The following RARB variants were observed in gnomAD, a reference collection of about 807,000 sequenced individuals.
RARB encodes the protein HBV-activated protein.
Under a neutral mutation model 51.9 loss-of-function variants are expected in RARB, and 17 were observed. The ratio of observed to expected loss-of-function variants is 0.33; its 90% CI spans 0.22 to 0.49. The LOEUF (loss-of-function observed/expected upper bound fraction) is 0.49, where lower values mean the gene tolerates loss of function less well. Among genes scored for constraint, RARB ranks in the 20% least tolerant of loss-of-function variants. The pLI is 0.99. For missense variants in RARB, 369 were observed against 550.8 expected, an observed-to-expected ratio of 0.67 and a Z score of 3.30; for synonymous variants, 215 against 195.4, an observed-to-expected ratio of 1.10 and a Z score of -0.84.
At chr3:25,264,134 G>C (rs1468783888) in intron 5 of RARB, among the ~76,000 whole-genome samples, 1 of 151,156 alleles carries the variant, frequency 6.6e-6, no homozygotes, top group Non-Finnish European at 1.5e-5. Flanking sequence ...AAAAAAGGTT[G>C]ATTCTGTTTT....
intron 5 of RARB, among the ~76,000 whole-genome samples, chr3:25,264,109 T>A (rs1450627407): frequency 1.8e-5 from 1 of 55,442 alleles, no homozygotes; most frequent in Admixed American, 2.2e-4. Context: ...GGGGCATTGT[T>A]GATTTTTTTT....
At chr3:25,490,939 GT>G (rs1696703874) in intron 2 of RARB, among the ~76,000 whole-genome samples, 1 of 152,050 alleles carries the variant, frequency 6.6e-6, no homozygotes, top group African/African-American at 2.4e-5. Flanking sequence ...TAGAGGCTTC[GT>G]TTCCCCTTGT....
chr3:25,365,916 C>A (rs911593935), intron 5 of RARB, among the ~76,000 whole-genome samples: 1 of 152,218 alleles, frequency 6.6e-6, no homozygotes, highest in Non-Finnish European at 1.5e-5. Flanking sequence ...GTAGTCACAA[C>A]TGTGCCTCCA....
chr3:25,024,490 ATG>A (rs1287897083), intron 2 of RARB, among the ~76,000 whole-genome samples: 2 of 152,198 alleles, frequency 1.3e-5, no homozygotes, highest in African/African-American at 4.8e-5. Context: ...AAGCAACAAA[ATG>A]TGCCTTTGAG....
chr3:24,897,433 C>A (rs1292412271), intron 2 of RARB, among the ~76,000 whole-genome samples: 3 of 152,090 alleles, frequency 2.0e-5, no homozygotes, highest in Non-Finnish European at 2.9e-5. Context: ...GGAGATGGCT[C>A]CCGGACTGAA....
chr3:24,862,830 C>A (rs1455908948), intron 2 of RARB, among the ~76,000 whole-genome samples: 3 of 152,140 alleles, frequency 2.0e-5, no homozygotes, highest in East Asian at 1.9e-4. Flanking sequence ...CCTAGAGTTA[C>A]AAACTAAATG....
chr3:25,518,437 C>T (rs1153594), intron 3 of RARB, among the ~76,000 whole-genome samples: 29,393 of 151,884 alleles, frequency 0.19, 3,477 homozygotes, highest in East Asian at 0.34. Flanking sequence ...TACTGGGAGA[C>T]GTCATTTAGG....
Position 25,221,400 on chromosome 3 carries a change from A to G in RARB, c.178+46825A>G, listed in dbSNP as rs183409408. Among the ~76,000 whole-genome samples the G allele has an allele frequency of 3.3e-3, 496 of 152,324 alleles. 3 individuals carry two copies. Among genetic ancestry groups the G allele is most frequent in the Non-Finnish European group, 4.9e-3 (336 of 68,036 alleles). ...GTTTCATAAATCATTACCACTTTTT[A>G]AAGAAACCACTGTGTCAGGCCCAGT... On this transcript the variant is annotated intron_variant, in intron 5 of 11. Coordinates refer to the RARB transcript ENST00000383772.
intron 2 of RARB, among the ~76,000 whole-genome samples, chr3:25,034,080 C>T (rs2125291426): frequency 6.6e-6 from 1 of 152,282 alleles, no homozygotes; most frequent in African/African-American, 2.4e-5. Flanking sequence ...TGCTCCTGCG[C>T]TCACAATGGG....
intron 3 of RARB, among the ~76,000 whole-genome samples, chr3:25,561,444 G>A (rs1700265668): frequency 6.6e-6 from 1 of 152,094 alleles, no homozygotes; most frequent in African/African-American, 2.4e-5. Context: ...ATAAGCTTTT[G>A]TTACTGTTCA....
intron 2 of RARB, among the ~76,000 whole-genome samples, chr3:24,985,390 A>G (rs768344987): frequency 1.3e-5 from 2 of 151,194 alleles, no homozygotes; most frequent in Non-Finnish European, 1.5e-5. Context: ...CAGCTGAACA[A>G]TAACATATTT....
At chr3:25,387,384 C>T (rs1228628546) in intron 5 of RARB, among the ~76,000 whole-genome samples, 1 of 152,112 alleles carries the variant, frequency 6.6e-6, no homozygotes, top group Non-Finnish European at 1.5e-5. Flanking sequence ...ACCCTCTTTC[C>T]TACAGCACCT....
chr3:25,097,764 T>A lies in RARB; in HGVS notation c.-327-34397T>A, dbSNP rs191441780. 6.2e-4 allele frequency among the ~76,000 whole-genome samples: 94 copies of A among 152,262 alleles called. 1 individual carries two copies. Among genetic ancestry groups the A allele is most frequent in the African/African-American group, 2.0e-3 (82 of 41,570 alleles). ...CTCCTCACTGCCCTCACCTCCTCAT[T>A]AGCCTTAGTTTCATATCTGTGTCTC... On this transcript the variant is annotated intron_variant, in intron 3 of 11. Coordinates refer to the RARB transcript ENST00000383772.
chr3:24,864,313 T>C (rs893649276), intron 2 of RARB, among the ~76,000 whole-genome samples: 1 of 152,172 alleles, frequency 6.6e-6, no homozygotes, highest in African/African-American at 2.4e-5. Context: ...CCTGGTTCCT[T>C]GTTCTTTTCC....
chr3:24,839,893 A>G lies in RARB; in HGVS notation c.-459+10490A>G, dbSNP rs542732390. 1.2e-3 allele frequency among the ~76,000 whole-genome samples: 182 copies of G among 152,284 alleles called. 4 individuals carry two copies. The South Asian group carries it at 0.016, about 13-fold the overall frequency. ...GTGCATGAAGAGGCTCGAAAAATGT[A>G]TCCTACAAATCGAGTTTAAGGTTCA... On this transcript the variant is annotated intron_variant, in intron 1 of 11. Coordinates refer to the RARB transcript ENST00000383772.
intron 2 of RARB, among the ~76,000 whole-genome samples, chr3:24,899,734 G>T (rs1362888109): frequency 3.3e-5 from 5 of 152,120 alleles, no homozygotes; most frequent in Admixed American, 3.3e-4. Flanking sequence ...AGATCATGTG[G>T]AAATCTCAAC....
intron 5 of RARB, among the ~76,000 whole-genome samples, chr3:25,338,101 AC>A (rs1705119684): frequency 3.3e-5 from 2 of 61,124 alleles, no homozygotes; most frequent in Non-Finnish European, 6.2e-5. Context: ...CCCCCAACAC[AC>A]ACACACACAC....
intron 5 of RARB, among the ~76,000 whole-genome samples, chr3:25,207,834 A>C (rs1484490332): frequency 2.6e-5 from 4 of 152,216 alleles, no homozygotes; most frequent in African/African-American, 9.7e-5. Context: ...CAAAGGAACA[A>C]CTGAAACTAG....
chr3:25,251,893 T>G (rs1484269745), intron 5 of RARB, among the ~76,000 whole-genome samples: 2 of 152,184 alleles, frequency 1.3e-5, no homozygotes, highest in African/African-American at 4.8e-5. Flanking sequence ...AATTTGTCTT[T>G]GCTTGTGTTT....
Sources: allele counts gnomAD v4.1 joint callset (sites outside exome capture counted in the v4.1 genomes callset), GRCh38; gene constraint gnomAD v4.1.1; transcripts MANE v1.5; gene names NCBI Gene and HGNC (gene_info 2026-07-23, HGNC 2026-07-21).